CHST8: variants seen among roughly 807,000 people sequenced by gnomAD.
CHST8 encodes GALNAC-4-ST1.
In CHST8, 10 loss-of-function variants were observed where a neutral mutation model predicts 15.0. The observed-to-expected ratio is 0.67, with a 90% confidence interval of 0.41 to 1.13. CHST8 has a LOEUF of 1.13. CHST8 is among the 50% of genes most tolerant of loss of function. The pLI, the probability that CHST8 is intolerant of heterozygous loss-of-function variation, is 0.00. For synonymous variants in CHST8, 259 were observed against 256.6 expected (o/e 1.01, Z -0.09); for missense variants, 634 against 608.2 (o/e 1.04, Z -0.45).
At chr19:33,716,097 C>A (rs914181566) in intron 3 of CHST8, among the ~76,000 whole-genome samples, 1 of 152,238 alleles carries the variant, frequency 6.6e-6, no homozygotes, top group Non-Finnish European at 1.5e-5. Context: ...TAACCTCTTT[C>A]CATATCGAGA....
chr19:33,688,628 C>T (rs1364193210), intron 2 of CHST8, among the ~76,000 whole-genome samples: 2 of 152,112 alleles, frequency 1.3e-5, no homozygotes, highest in Non-Finnish European at 2.9e-5. Flanking sequence ...CAGGAGAGTC[C>T]GTCTGTGCTT....
At chr19:33,722,695 G>A in intron 3 of CHST8, among the ~76,000 whole-genome samples, 1 of 152,088 alleles carries the variant, frequency 6.6e-6, no homozygotes, top group Non-Finnish European at 1.5e-5. Context: ...AGGTTTCTGG[G>A]GAGAAACAGC....
At chr19:33,707,107 TA>T (rs1296209665) in intron 3 of CHST8, among the ~76,000 whole-genome samples, 1 of 152,176 alleles carries the variant, frequency 6.6e-6, no homozygotes, top group African/African-American at 2.4e-5. Flanking sequence ...TTTCCCAGAC[TA>T]AAGTGCAGGT....
At chr19:33,748,465 G>T (rs1040162200) in intron 3 of CHST8, among the ~76,000 whole-genome samples, 5 of 152,250 alleles carry the variant, frequency 3.3e-5, no homozygotes, top group Non-Finnish European at 5.9e-5. Context: ...GTCGCCCCAG[G>T]TTCCTTTCCC....
At chr19:33,670,493 T>C (rs910209001) in intron 2 of CHST8, among the ~76,000 whole-genome samples, 2 of 152,222 alleles carry the variant, frequency 1.3e-5, no homozygotes, top group African/African-American at 4.8e-5. Flanking sequence ...CCCCATCACC[T>C]GTCCTGACAC....
chr19:33,682,184 G>GT lies in CHST8; in HGVS notation c.-86-6990dup, dbSNP rs1568325315. On this transcript the variant is annotated intron_variant, in intron 2 of 4. Transcript: ENST00000650847. ...GTGTGTGTGTGTTGTGGTTTTTGTT[G>GT]TTGTTTTTTTTTTTTTTTTTTTTTT... 1.6e-3 allele frequency among the ~76,000 whole-genome samples: 200 copies of GT among 121,874 alleles called. 1 individual carries two copies. The highest frequency in any genetic ancestry group is 6.5e-3 in the African/African-American group (195 of 29,772). The allele number at this position is 121,874 out of a possible 152,430, so 80.0% of individuals were successfully genotyped here. A position where few individuals can be genotyped will look rare whatever the true frequency, so the allele number is the denominator to read the frequency against.
intron 3 of CHST8, among the ~76,000 whole-genome samples, chr19:33,691,427 TTAAG>T (rs1289577448): frequency 6.6e-6 from 1 of 152,198 alleles, no homozygotes; most frequent in African/African-American, 2.4e-5. Flanking sequence ...TCATAAAACT[TTAAG>T]TAATGCTTAC....
intron 1 of CHST8, among the ~76,000 whole-genome samples, chr19:33,633,019 C>T (rs1003243089): frequency 1.1e-4 from 16 of 152,022 alleles, no homozygotes; most frequent in African/African-American, 3.4e-4. Context: ...TTAGTAGAGA[C>T]GGGGTTTCAC....
chr19:33,678,980 G>A (rs559734976), intron 2 of CHST8, among the ~76,000 whole-genome samples: 1 of 152,318 alleles, frequency 6.6e-6, no homozygotes, highest in Non-Finnish European at 1.5e-5. Flanking sequence ...TCTGTGCCAG[G>A]CACTGTTGGC....
At chr19:33,681,896 C>T (rs1243962997) in intron 2 of CHST8, among the ~76,000 whole-genome samples, 6 of 148,898 alleles carry the variant, frequency 4.0e-5, no homozygotes, top group Admixed American at 6.7e-5. Context: ...AACGGAGTTT[C>T]GCTCTTGTCA....
intron 1 of CHST8, among the ~76,000 whole-genome samples, chr19:33,662,276 C>G (rs1032862590): frequency 6.6e-6 from 1 of 152,162 alleles, no homozygotes; most frequent in African/African-American, 2.4e-5. Flanking sequence ...TGGTGTTTCA[C>G]TCTGTTGCCC....
chr19:33,737,317 G>T (rs1435202287), intron 3 of CHST8, among the ~76,000 whole-genome samples: 3 of 152,162 alleles, frequency 2.0e-5, no homozygotes. Context: ...ACAAAGCCAA[G>T]AACCCACTTG....
chr19:33,653,926 C>T (rs570139237), intron 1 of CHST8, among the ~76,000 whole-genome samples: 4 of 152,218 alleles, frequency 2.6e-5, no homozygotes, highest in African/African-American at 7.2e-5. Context: ...GTAAGTGATC[C>T]GGAAGGACCC....
chr19:33,682,068 T>C (rs1312896825), intron 2 of CHST8, among the ~76,000 whole-genome samples: 1 of 151,948 alleles, frequency 6.6e-6, no homozygotes, highest in African/African-American at 2.4e-5. Flanking sequence ...TTGGCCAGGC[T>C]TGTCTTGAAC....
intron 3 of CHST8, among the ~76,000 whole-genome samples, chr19:33,733,361 G>A (rs1442606211): frequency 7.3e-5 from 11 of 151,500 alleles, no homozygotes. Context: ...AGCCTCCCAA[G>A]TAGCTAAGAT....
intron 3 of CHST8, among the ~76,000 whole-genome samples, chr19:33,742,400 G>A (rs1974211806): frequency 6.6e-6 from 1 of 152,192 alleles, no homozygotes; most frequent in South Asian, 2.1e-4. Flanking sequence ...ACTCATGGCA[G>A]AAGGCGAAGG....
chr19:33,700,735 G>A (rs1043281534), intron 3 of CHST8, among the ~76,000 whole-genome samples: 7 of 152,226 alleles, frequency 4.6e-5, no homozygotes, highest in Non-Finnish European at 2.9e-5. Flanking sequence ...GTGGGGAGGG[G>A]CAGAGAGGGT....
chr19:33,729,070 A>C (rs1223274069), intron 3 of CHST8, among the ~76,000 whole-genome samples: 1 of 152,144 alleles, frequency 6.6e-6, no homozygotes, highest in Non-Finnish European at 1.5e-5. Context: ...GGCAGAGAGG[A>C]GATGGGCACT....
intron 3 of CHST8, among the ~76,000 whole-genome samples, chr19:33,727,853 G>A (rs1276031787): frequency 1.3e-5 from 2 of 152,210 alleles, no homozygotes; most frequent in Non-Finnish European, 2.9e-5. Context: ...CTTGCTTTCC[G>A]GCGCCTCTCT....
Sources: allele counts gnomAD v4.1 joint callset (sites outside exome capture counted in the v4.1 genomes callset), GRCh38; gene constraint gnomAD v4.1.1; transcripts MANE v1.5; gene names NCBI Gene and HGNC (gene_info 2026-07-23, HGNC 2026-07-21).